Variants in DMD observed in about 807,000 individuals in gnomAD.
DMD encodes the protein mutant dystrophin.
A neutral mutation model predicts 330.1 loss-of-function variants in DMD; 63 were observed. The observed-to-expected ratio is 0.19, with a 90% CI of 0.16 to 0.24. The LOEUF is 0.24. DMD is among the 10% of genes least tolerant of loss of function. DMD has a pLI of 1.00. For missense variants in DMD, 3,344 were observed against 2,684.1 expected (o/e 1.25, Z -5.43); for synonymous variants, 1,223 against 959.8 (o/e 1.27, Z -5.07).
intron 63 of DMD, among the ~76,000 whole-genome samples, chrX:31,240,796 T>C (rs1460726659): frequency 8.9e-6 from 1 of 111,947 alleles, no homozygotes; most frequent in East Asian, 2.8e-4. Flanking sequence ...AACTGTGATA[T>C]CATTATTTCA....
At chrX:33,030,655 T>A (rs2094092964) in intron 1 of DMD, among the ~76,000 whole-genome samples, 1 of 111,667 alleles carries the variant, frequency 9.0e-6, no homozygotes, top group African/African-American at 3.3e-5. Context: ...AAGGTCAAGG[T>A]CTCCAGTGTA....
rs750983987 is a variant in DMD at position 31,774,285 on chromosome X, CA to C, written c.7310-94del. ...AGAGCCAATTTCAATAACAATAAGT[CA>C]AATTTAATTGAAGAGTAACAATTTG... On this transcript the variant is annotated intron_variant, in intron 50 of 78. Transcript: ENST00000357033. The C allele has an allele frequency of 3.4e-4, 203 of 592,902 alleles. No individual in the cohort carries two copies. The African/African-American group carries it at 4.5e-3, about 13-fold the overall frequency. The allele number at this position is 592,902 out of a possible 1,213,427, so 48.9% of individuals were successfully genotyped here. A position where few individuals can be genotyped will look rare whatever the true frequency, so the allele number is the denominator to read the frequency against.
chrX:32,386,160 ATG>A (rs1297938157), intron 33 of DMD, 148 bp downstream of exon 33: 4 of 546,562 alleles, frequency 7.3e-6, no homozygotes, highest in African/African-American at 2.3e-5. Flanking sequence ...ATATACGTAT[ATG>A]TGTGTATATA....
At chrX:32,914,916 T>A (rs905063737) in intron 2 of DMD, among the ~76,000 whole-genome samples, 1 of 111,919 alleles carries the variant, frequency 8.9e-6, no homozygotes, top group Non-Finnish European at 1.9e-5. Context: ...GTCCCCATTT[T>A]TTTTTTGGAT....
chrX:31,406,941 G>C (rs911622295), intron 60 of DMD, among the ~76,000 whole-genome samples: 2 of 111,496 alleles, frequency 1.8e-5, no homozygotes, highest in African/African-American at 6.5e-5. Flanking sequence ...ATTTCCACAA[G>C]CTTTACCACA....
intron 53 of DMD, among the ~76,000 whole-genome samples, chrX:31,663,191 C>T (rs766725897): frequency 9.8e-5 from 11 of 111,855 alleles, no homozygotes; most frequent in Non-Finnish European, 1.9e-4. Context: ...TCTCCTTTGT[C>T]TCCGTTTCCC....
chrX:32,321,295 T>C (rs1309807101), intron 41 of DMD, among the ~76,000 whole-genome samples: 2 of 110,612 alleles, frequency 1.8e-5, no homozygotes, highest in Non-Finnish European at 3.8e-5. Flanking sequence ...GAAGAATATA[T>C]GTATCAGGAC....
intron 62 of DMD, among the ~76,000 whole-genome samples, chrX:31,274,684 A>G (rs2051952689): frequency 8.9e-6 from 1 of 112,635 alleles, no homozygotes; most frequent in South Asian, 3.6e-4. Flanking sequence ...CAAATTTCCA[A>G]GAATGTTTTT....
chrX:31,262,774 T>C (rs1391967539), intron 62 of DMD, among the ~76,000 whole-genome samples: 4 of 112,575 alleles, frequency 3.6e-5, no homozygotes, highest in African/African-American at 1.3e-4. Flanking sequence ...GTTTATGATC[T>C]GGAGAAGGGG....
chrX:31,313,206 A>G lies in DMD; in HGVS notation c.9224+10392T>C, dbSNP rs752784520. On this transcript the variant is annotated intron_variant, in intron 62 of 78. Transcript: ENST00000357033. ...GAAATACTTTGTTTTCTCAGCCTGC[A>G]GGGAGGTAGAAGAGTGCTTACATCA... Among the ~76,000 whole-genome samples, 6 of 109,059 alleles carry G rather than the reference A, an allele frequency of 5.5e-5. No homozygotes were observed. In the South Asian group the frequency reaches 1.6e-3, roughly 29 times the overall value. The allele number at this position is 109,059 out of a possible 115,157, so 94.7% of individuals were successfully genotyped here.
intron 41 of DMD, among the ~76,000 whole-genome samples, chrX:32,321,092 T>A (rs2097611576): frequency 8.9e-6 from 1 of 111,952 alleles, no homozygotes; most frequent in Admixed American, 9.5e-5. Context: ...TATACATAAT[T>A]TGCATTATTT....
At chrX:32,717,811 C>T (rs923863822) in intron 7 of DMD, among the ~76,000 whole-genome samples, 5 of 111,603 alleles carry the variant, frequency 4.5e-5, no homozygotes, top group Admixed American at 2.9e-4. Context: ...GGGAGCCTGT[C>T]CCTTGCATCA....
At chrX:32,766,188 A>C (rs2072959416) in intron 7 of DMD, among the ~76,000 whole-genome samples, 2 of 110,729 alleles carry the variant, frequency 1.8e-5, no homozygotes, top group Non-Finnish European at 3.8e-5. Context: ...GATCCATGAG[A>C]TTACATGGGA....
chrX:31,788,215 G>T (rs2091405316), intron 50 of DMD, among the ~76,000 whole-genome samples: 1 of 111,748 alleles, frequency 8.9e-6, no homozygotes, highest in Non-Finnish European at 1.9e-5. Context: ...TGAGCCCACA[G>T]TAAATGGTTT....
At chrX:32,088,307 C>T (rs746170959) in intron 44 of DMD, among the ~76,000 whole-genome samples, 6 of 110,351 alleles carry the variant, frequency 5.4e-5, no homozygotes, top group Admixed American at 9.7e-5. Context: ...TTACAGTTGA[C>T]GAAATAGAAG....
At chrX:32,639,358 C>A (rs2059302231) in intron 11 of DMD, among the ~76,000 whole-genome samples, 2 of 111,007 alleles carry the variant, frequency 1.8e-5, no homozygotes, top group Admixed American at 9.6e-5. Flanking sequence ...CCTACCATCC[C>A]AAGTGTATTC....
chrX:32,764,822 A>C (rs1451992565), intron 7 of DMD, among the ~76,000 whole-genome samples: 2 of 111,469 alleles, frequency 1.8e-5, no homozygotes, highest in East Asian at 5.6e-4. Context: ...TTGCTGGATC[A>C]CATGGTAATT....
chrX:31,592,234 A>G, intron 55 of DMD, among the ~76,000 whole-genome samples: 1 of 108,510 alleles, frequency 9.2e-6, no homozygotes, highest in East Asian at 2.9e-4. Flanking sequence ...TGGTATTAAT[A>G]TTGCCAAATA....
chrX:32,147,243 C>G (rs1484464173), intron 44 of DMD, among the ~76,000 whole-genome samples: 1 of 111,287 alleles, frequency 9.0e-6, no homozygotes, highest in African/African-American at 3.3e-5. Context: ...CCTAAGTGAT[C>G]CTTCTTTTGC....
Sources: gnomAD v4.1 joint callset for allele counts (sites outside exome capture counted in the v4.1 genomes callset) on GRCh38, gnomAD v4.1.1 for gene constraint, MANE v1.5 for transcripts, NCBI Gene and HGNC (gene_info 2026-07-23, HGNC 2026-07-21) for gene names.